The following AP1S3 variants were observed in gnomAD, a reference collection of about 807,000 sequenced individuals.
The protein encoded by AP1S3 is adaptor related protein complex 1 subunit sigma 3.
In AP1S3, 10 loss-of-function variants were observed where a neutral mutation model predicts 20.9. The observed-to-expected ratio is 0.48, with a 90% CI of 0.29 to 0.81. The LOEUF is 0.81. AP1S3 is among the 30% of genes least tolerant of loss of function. AP1S3 has a pLI of 0.08. For synonymous variants in AP1S3, 41 were observed against 61.5 expected (o/e 0.67, Z 1.56); for missense variants, 154 against 183.8 (o/e 0.84, Z 0.94).
At chr2:223,835,733 A>G (rs1692380148) in intron 1 of AP1S3, among the ~76,000 whole-genome samples, 1 of 152,198 alleles carries the variant, frequency 6.6e-6, no homozygotes, top group Admixed American at 6.5e-5. Context: ...CACATTTCTG[A>G]TCAACTCATC....
intron 3 of AP1S3, among the ~76,000 whole-genome samples, chr2:223,775,162 T>C (rs1422473999): frequency 6.6e-6 from 1 of 152,200 alleles, no homozygotes; most frequent in Admixed American, 6.5e-5. Flanking sequence ...GAGGGTTCAA[T>C]GGTAACTTGC....
intron 1 of AP1S3, among the ~76,000 whole-genome samples, chr2:223,793,385 T>G (rs891123369): frequency 6.6e-6 from 1 of 152,186 alleles, no homozygotes; most frequent in Non-Finnish European, 1.5e-5. Context: ...TGGAATACTA[T>G]GCAGCCATAA....
At chr2:223,820,651 G>A (rs1171982515) in intron 1 of AP1S3, among the ~76,000 whole-genome samples, 4 of 142,356 alleles carry the variant, frequency 2.8e-5, no homozygotes, top group African/African-American at 7.9e-5. Context: ...TGATGATTCA[G>A]TGATTCCAAA....
At position 223,757,196 on chromosome 2, in the gene AP1S3, C is replaced by A. The variant is rs150339218; in HGVS notation, c.*1519G>T. 1.8e-3 allele frequency: 318 copies of A among 181,016 alleles called. 2 individuals carry two copies. Among genetic ancestry groups the A allele is most frequent in the African/African-American group, 7.2e-3 (304 of 42,098 alleles). The allele number at this position is 181,016 out of a possible 1,614,324, so 11.2% of individuals were successfully genotyped here. A position where few individuals can be genotyped will look rare whatever the true frequency, so the allele number is the denominator to read the frequency against. ...TGAGACGAAGTCTCGCTCTGTCGCCCAGGCTGGAGTGCAGTGGCACAATCT... is the reference window on the plus strand; with the variant it reads ...TGAGACGAAGTCTCGCTCTGTCGCCAAGGCTGGAGTGCAGTGGCACAATCT... On this transcript the variant is annotated 3_prime_UTR_variant, in exon 5 of 5. Transcript: ENST00000396654.
At chr2:223,812,245 G>A (rs1184043908) in intron 1 of AP1S3, among the ~76,000 whole-genome samples, 1 of 152,212 alleles carries the variant, frequency 6.6e-6, no homozygotes, top group South Asian at 2.1e-4. Context: ...GTTTTGAGAT[G>A]GAGTCTTACT....
intron 1 of AP1S3, among the ~76,000 whole-genome samples, chr2:223,797,587 C>T (rs145950830): frequency 0.016 from 2,434 of 152,106 alleles, 70 homozygotes; most frequent in African/African-American, 0.055. Context: ...CATGGCACAA[C>T]CCCGTTTCTA....
intron 1 of AP1S3, among the ~76,000 whole-genome samples, chr2:223,791,940 A>G (rs914462785): frequency 6.6e-6 from 1 of 152,144 alleles, no homozygotes; most frequent in African/African-American, 2.4e-5. Flanking sequence ...AATTGCCACA[A>G]AAGGAATAAA....
At chr2:223,786,455 A>T (rs1328925145) in intron 1 of AP1S3, among the ~76,000 whole-genome samples, 1 of 152,102 alleles carries the variant, frequency 6.6e-6, no homozygotes, top group Non-Finnish European at 1.5e-5. Context: ...GTAGATCGTA[A>T]TCAACATAAT....
At chr2:223,801,591 C>T (rs571361542) in intron 1 of AP1S3, among the ~76,000 whole-genome samples, 1 of 152,182 alleles carries the variant, frequency 6.6e-6, no homozygotes, top group Non-Finnish European at 1.5e-5. Flanking sequence ...ATTACAGGCA[C>T]CCACCAACAA....
intron 1 of AP1S3, among the ~76,000 whole-genome samples, chr2:223,794,426 C>G (rs1427289778): frequency 1.3e-5 from 2 of 152,010 alleles, no homozygotes; most frequent in Non-Finnish European, 2.9e-5. Context: ...CTTGAGAAAG[C>G]CTTCCTTTAA....
At chr2:223,777,198 C>T (rs1686125110) in intron 2 of AP1S3, among the ~76,000 whole-genome samples, 1 of 152,198 alleles carries the variant, frequency 6.6e-6, no homozygotes, top group African/African-American at 2.4e-5. Flanking sequence ...GAGTTTGAGA[C>T]CAGCCTGGCC....
chr2:223,798,284 T>C (rs765812510), intron 1 of AP1S3, among the ~76,000 whole-genome samples: 1 of 152,190 alleles, frequency 6.6e-6, no homozygotes, highest in Non-Finnish European at 1.5e-5. Flanking sequence ...CTGGCCAACA[T>C]ATTTCAATTA....
intron 1 of AP1S3, among the ~76,000 whole-genome samples, chr2:223,820,182 A>G (rs189826214): frequency 1.3e-5 from 2 of 152,210 alleles, no homozygotes; most frequent in African/African-American, 2.4e-5. Context: ...TTTTTCTCAG[A>G]CTGAAAGACA....
At chr2:223,784,281 C>T (rs1404168128) in intron 1 of AP1S3, among the ~76,000 whole-genome samples, 1 of 152,132 alleles carries the variant, frequency 6.6e-6, no homozygotes. Context: ...TTTCATATCA[C>T]CACCATGCCC....
chr2:223,809,804 C>T (rs1377274341), intron 1 of AP1S3, among the ~76,000 whole-genome samples: 2 of 151,120 alleles, frequency 1.3e-5, no homozygotes, highest in Non-Finnish European at 3.0e-5. Flanking sequence ...TCTCAGTTCA[C>T]TGTAACCTCT....
intron 3 of AP1S3, chr2:223,770,261 G>C: frequency 6.4e-7 from 1 of 1,550,636 alleles, no homozygotes; most frequent in Middle Eastern, 1.7e-4. Context: ...GGAGTTCAAG[G>C]CAGGCGTAGA....
intron 2 of AP1S3, 172 bp from the exon 3 acceptor site, chr2:223,776,181 T>C (rs1225931060): frequency 1.4e-6 from 1 of 699,404 alleles, no homozygotes; most frequent in African/African-American, 1.8e-5. Flanking sequence ...TCAGAATATA[T>C]GAAAATTCTG....
chr2:223,815,414 T>C (rs940191086), intron 1 of AP1S3, among the ~76,000 whole-genome samples: 3 of 133,868 alleles, frequency 2.2e-5, no homozygotes, highest in African/African-American at 5.3e-5. Context: ...TTAATTCCAG[T>C]CAGCCCTAAG....
At chr2:223,825,994 T>A (rs1692119832) in intron 1 of AP1S3, among the ~76,000 whole-genome samples, 1 of 152,194 alleles carries the variant, frequency 6.6e-6, no homozygotes. Context: ...CCAGCCTGGA[T>A]GGCAGAGCAA....
Sources: gnomAD v4.1 joint callset for allele counts (sites outside exome capture counted in the v4.1 genomes callset) on GRCh38, gnomAD v4.1.1 for gene constraint, MANE v1.5 for transcripts, NCBI Gene and HGNC (gene_info 2026-07-23, HGNC 2026-07-21) for gene names.